COL13A1: variants seen among roughly 807,000 people sequenced by gnomAD.
COL13A1 encodes the protein collagen type XIII alpha 1 chain, also known as collagen alpha-1(XIII) chain.
COL13A1 carries 89 observed loss-of-function variants against 130.9 expected under a neutral mutation model. The ratio of observed to expected loss-of-function variants is 0.68; its 90% CI spans 0.57 to 0.81. The LOEUF (loss-of-function observed/expected upper bound fraction) is 0.81, where lower values mean the gene tolerates loss of function less well. COL13A1 is among the 30% of genes least tolerant of loss of function. The pLI is 0.00. For missense variants in COL13A1, 879 were observed against 934.6 expected, an observed-to-expected ratio of 0.94 and a Z score of 0.78; for synonymous variants, 402 against 341.6, an observed-to-expected ratio of 1.18 and a Z score of -1.95.
intron 7 of COL13A1, among the ~76,000 whole-genome samples, chr10:69,887,056 A>G (rs956415112): frequency 6.6e-6 from 1 of 152,190 alleles, no homozygotes; most frequent in Non-Finnish European, 1.5e-5. Flanking sequence ...GCCATGAGCA[A>G]TGACTGTGTA....
chr10:69,891,554 C>T (rs2061172806), intron 10 of COL13A1, among the ~76,000 whole-genome samples: 1 of 152,188 alleles, frequency 6.6e-6, no homozygotes, highest in Admixed American at 6.5e-5. Flanking sequence ...GCCTCCGCTG[C>T]AAATGCATTT....
chr10:69,912,359 G>A (rs2063473296), intron 17 of COL13A1, among the ~76,000 whole-genome samples: 2 of 152,174 alleles, frequency 1.3e-5, no homozygotes, highest in Admixed American at 6.5e-5. Flanking sequence ...TAGGATTTCC[G>A]CGGTTCCGGT....
chr10:69,835,977 A>G (rs1849941331), intron 2 of COL13A1, among the ~76,000 whole-genome samples: 1 of 152,218 alleles, frequency 6.6e-6, no homozygotes. Flanking sequence ...GGGCCCAAAG[A>G]AGTTCTGTAA....
chr10:69,822,559 G>A, intron 2 of COL13A1, 121 bp downstream of exon 2: 4 of 721,158 alleles, frequency 5.5e-6, no homozygotes, highest in Non-Finnish European at 8.4e-6. Context: ...TGAAAGACAG[G>A]AGTGACAATA....
chr10:69,813,015 G>A (rs1843449376), intron 1 of COL13A1, among the ~76,000 whole-genome samples: 1 of 152,252 alleles, frequency 6.6e-6, no homozygotes, highest in Non-Finnish European at 1.5e-5. Context: ...GTGGTTTGTA[G>A]GCTCTTCTGT....
intron 1 of COL13A1, among the ~76,000 whole-genome samples, chr10:69,803,025 G>A (rs1840481212): frequency 6.6e-6 from 1 of 152,218 alleles, no homozygotes; most frequent in African/African-American, 2.4e-5. Flanking sequence ...CGCGGAGGCG[G>A]GCAAGCTCCA....
rs1028561305 is a variant in COL13A1, at chr10:69,894,461, C to A, written c.604-91C>A. On this transcript the variant is annotated intron_variant, in intron 10 of 40. Coordinates refer to ENST00000645393, the MANE Select transcript of COL13A1 (RefSeq NM_001368882.1). ...GCCATGGCTGGTAGAGCCCAGCCTT[C>A]GGGATTCAGCCCCAATCCCCACCCA... The A allele has an allele frequency of 8.8e-6, 13 of 1,484,386 alleles. No homozygotes were observed. The Admixed American group carries it at 1.9e-4, about 21-fold the overall frequency. 92.0% of individuals were successfully genotyped at this position (1,484,386 alleles called of 1,614,324 possible).
chr10:69,848,973 A>G (rs540229148), intron 2 of COL13A1, among the ~76,000 whole-genome samples: 15 of 152,262 alleles, frequency 9.9e-5, no homozygotes, highest in African/African-American at 3.4e-4. Flanking sequence ...CTCTGTACTC[A>G]GACACCCAGG....
intron 32 of COL13A1, among the ~76,000 whole-genome samples, chr10:69,935,799 C>A (rs1012613243): frequency 7.0e-4 from 107 of 151,958 alleles, no homozygotes; most frequent in African/African-American, 2.4e-3. Flanking sequence ...CGCTTGAGTC[C>A]GGAAGTTTGA....
At chr10:69,914,711 A>G (rs553425019) in intron 17 of COL13A1, among the ~76,000 whole-genome samples, 22 of 152,312 alleles carry the variant, frequency 1.4e-4, no homozygotes, top group African/African-American at 4.8e-4. Context: ...GGTCATTCAG[A>G]ATGCTAGCAG....
At chr10:69,837,398 C>A (rs1424782546) in intron 2 of COL13A1, among the ~76,000 whole-genome samples, 1 of 152,246 alleles carries the variant, frequency 6.6e-6, no homozygotes, top group Non-Finnish European at 1.5e-5. Context: ...AGACTCCTGA[C>A]GCCTTCTGAG....
At position 69,940,917 on chromosome 10, in the gene COL13A1, C is replaced by T. The variant is rs2067535842; in HGVS notation, c.1879-71C>T. On this transcript the variant is annotated intron_variant, in intron 34 of 40. Coordinates refer to ENST00000645393, the MANE Select transcript of COL13A1 (RefSeq NM_001368882.1). ...ACTGCTTTACTCACCTCTTCCCTCC[C>T]CATTGTTCCCTTTTTCTCCCTCCCA... The T allele has an allele frequency of 8.7e-6, 14 of 1,605,804 alleles. No homozygotes were observed. The South Asian group carries it at 1.3e-4, about 15-fold the overall frequency.
intron 8 of COL13A1, among the ~76,000 whole-genome samples, chr10:69,887,729 G>A (rs2060737772): frequency 6.6e-6 from 1 of 152,178 alleles, no homozygotes; most frequent in Non-Finnish European, 1.5e-5. Flanking sequence ...AGCAGGACAG[G>A]CCCCAGGTGA....
chr10:69,822,464 C>G, intron 2 of COL13A1, 26 bp downstream of exon 2: 12 of 1,553,488 alleles, frequency 7.7e-6, no homozygotes, highest in South Asian at 1.2e-5. Flanking sequence ...AATAGGTGAC[C>G]GCGGATGTTC....
At chr10:69,858,514 C>T (rs1197675088) in intron 2 of COL13A1, among the ~76,000 whole-genome samples, 2 of 152,200 alleles carry the variant, frequency 1.3e-5, no homozygotes, top group Admixed American at 6.5e-5. Context: ...TGGGCAGTTC[C>T]CCATTCCTTC....
At chr10:69,836,358 G>A (rs1365173192) in intron 2 of COL13A1, among the ~76,000 whole-genome samples, 1 of 152,246 alleles carries the variant, frequency 6.6e-6, no homozygotes, top group Non-Finnish European at 1.5e-5. Flanking sequence ...AGGGACACAG[G>A]TCTAGAACCA....
chr10:69,818,183 T>C (rs2132488045), intron 1 of COL13A1, among the ~76,000 whole-genome samples: 1 of 152,296 alleles, frequency 6.6e-6, no homozygotes, highest in South Asian at 2.1e-4. Flanking sequence ...GGGTGGCATC[T>C]TGGCTGCCCA....
rs2058933985 is a variant in COL13A1, at chr10:69,870,312, T to G, written c.373-1872T>G. Among the ~76,000 whole-genome samples the G allele has an allele frequency of 2.0e-5, 3 of 151,450 alleles. No homozygotes were observed. In the South Asian group the frequency reaches 6.3e-4, roughly 32 times the overall value. ...TTTTTAGAAAAGAAAAGAAAAAACTTTTTTGGGTGAGAGAGTGAGAGGCAG... is the reference window on the plus strand; with the variant it reads ...TTTTTAGAAAAGAAAAGAAAAAACTGTTTTGGGTGAGAGAGTGAGAGGCAG... On this transcript the variant is annotated intron_variant, in intron 3 of 40. Transcript: ENST00000645393.
chr10:69,851,030 C>A (rs1459600461), intron 2 of COL13A1, among the ~76,000 whole-genome samples: 3 of 150,410 alleles, frequency 2.0e-5, no homozygotes, highest in Non-Finnish European at 4.4e-5. Context: ...ACTACAGGGG[C>A]CTTTCTACAG....
Sources: gnomAD v4.1 joint callset for allele counts (sites outside exome capture counted in the v4.1 genomes callset) on GRCh38, gnomAD v4.1.1 for gene constraint, MANE v1.5 for transcripts, NCBI Gene and HGNC (gene_info 2026-07-23, HGNC 2026-07-21) for gene names.